The following SH3GL2 variants were observed in gnomAD, a reference collection of about 807,000 sequenced individuals.
SH3GL2 encodes SH3 domain containing GRB2 like 2, endophilin A1, also known as endophilin-A1.
Under a neutral mutation model 46.0 loss-of-function variants are expected in SH3GL2, and 24 were observed. The observed-to-expected ratio is 0.52, with a 90% CI of 0.38 to 0.73. SH3GL2 has a LOEUF of 0.73. Among genes scored for constraint, SH3GL2 ranks in the 30% least tolerant of loss-of-function variants. The pLI, the probability that SH3GL2 is intolerant of heterozygous loss-of-function variation, is 0.00. For synonymous variants in SH3GL2, 196 were observed against 147.1 expected (o/e 1.33, Z -2.40); for missense variants, 413 against 424.2 (o/e 0.97, Z 0.23).
At chr9:17,658,364 T>A (rs892529555) in intron 1 of SH3GL2, among the ~76,000 whole-genome samples, 2 of 152,224 alleles carry the variant, frequency 1.3e-5, no homozygotes, top group Non-Finnish European at 2.9e-5. Context: ...GTTTGATTTC[T>A]TCCAGGGACA....
At chr9:17,662,926 G>C (rs908130022) in intron 1 of SH3GL2, among the ~76,000 whole-genome samples, 15 of 152,130 alleles carry the variant, frequency 9.9e-5, no homozygotes, top group African/African-American at 3.6e-4. Context: ...GGCCAGGCTG[G>C]TCTCCAACTC....
chr9:17,747,178 G>C, intron 2 of SH3GL2, 44 bp downstream of exon 2: 3 of 1,212,382 alleles, frequency 2.5e-6, no homozygotes, highest in Non-Finnish European at 3.6e-6. Context: ...ACATAAACAT[G>C]TCTACCATAA....
Position 17,791,341 on chromosome 9 carries a change from T to C in SH3GL2, c.728+7T>C, listed in dbSNP as rs1447304752. 6.5e-7 allele frequency: 1 copy of C among 1,550,208 alleles called. No homozygotes were observed. Among genetic ancestry groups the C allele is most frequent in the Non-Finnish European group, 8.9e-7 (1 of 1,121,766 alleles). On this transcript the variant is annotated splice_region_variant and intron_variant, in intron 7 of 8. Coordinates refer to ENST00000380607, the MANE Select transcript of SH3GL2 (RefSeq NM_003026.5). ...CGGTCAGACTGGAAGAAAGGTATTC[T>C]ACAGTTCCCTGCATTTCACATTTGC... is the stretch of plus-strand genomic sequence containing the variant.
intron 1 of SH3GL2, 96 bp downstream of exon 1, chr9:17,579,383 G>C (rs1818231386): frequency 2.9e-6 from 2 of 699,410 alleles, no homozygotes; most frequent in South Asian, 4.9e-5. Flanking sequence ...TGGGGAGTTC[G>C]GCACCGAGCC....
intron 1 of SH3GL2, among the ~76,000 whole-genome samples, chr9:17,597,977 C>G (rs141889875): frequency 1.3e-5 from 2 of 152,126 alleles, no homozygotes; most frequent in African/African-American, 2.4e-5. Context: ...TCCCTGCCCC[C>G]GTGGAACTGG....
intron 1 of SH3GL2, among the ~76,000 whole-genome samples, chr9:17,619,889 C>T (rs1819098170): frequency 6.6e-6 from 1 of 151,880 alleles, no homozygotes; most frequent in Non-Finnish European, 1.5e-5. Context: ...TGAAATGTAC[C>T]AGTTTATTCT....
intron 1 of SH3GL2, among the ~76,000 whole-genome samples, chr9:17,732,197 T>C (rs775798347): frequency 1.6e-4 from 24 of 151,862 alleles, no homozygotes; most frequent in Admixed American, 1.2e-3. Flanking sequence ...TTTAAGGTAG[T>C]ACTGTTGGAG....
chr9:17,629,442 G>A (rs908310262), intron 1 of SH3GL2, among the ~76,000 whole-genome samples: 2 of 152,050 alleles, frequency 1.3e-5, no homozygotes, highest in African/African-American at 2.4e-5. Context: ...TAAGGTGATG[G>A]AAATAATTTT....
chr9:17,666,576 G>GTATATA (rs566409032), intron 1 of SH3GL2, among the ~76,000 whole-genome samples: 13 of 100,510 alleles, frequency 1.3e-4, no homozygotes, highest in Non-Finnish European at 2.8e-4. Context: ...GTGTGTGTGT[G>GTATATA]TGTATATACA....
At chr9:17,762,754 T>C (rs1823214426) in intron 3 of SH3GL2, among the ~76,000 whole-genome samples, 1 of 152,122 alleles carries the variant, frequency 6.6e-6, no homozygotes, top group Admixed American at 6.5e-5. Context: ...AAAAATCAGG[T>C]TTCTTATTTT....
chr9:17,780,724 T>G (rs1823783432), intron 3 of SH3GL2, among the ~76,000 whole-genome samples: 1 of 79,466 alleles, frequency 1.3e-5, no homozygotes, highest in East Asian at 3.5e-4. Context: ...AGTGAGAATA[T>G]GCGGTGTTTG....
At chr9:17,598,875 C>T (rs1014977646) in intron 1 of SH3GL2, among the ~76,000 whole-genome samples, 9 of 152,050 alleles carry the variant, frequency 5.9e-5, no homozygotes, top group Non-Finnish European at 1.0e-4. Context: ...AAATAATACA[C>T]GGTATTAATG....
intron 2 of SH3GL2, among the ~76,000 whole-genome samples, chr9:17,751,040 C>G (rs762394897): frequency 6.6e-6 from 1 of 152,124 alleles, no homozygotes; most frequent in Non-Finnish European, 1.5e-5. Context: ...GTGGTTAATT[C>G]AGAATTCTAA....
intron 3 of SH3GL2, among the ~76,000 whole-genome samples, chr9:17,785,236 C>T (rs1256935307): frequency 2.0e-5 from 3 of 152,156 alleles, no homozygotes; most frequent in African/African-American, 7.2e-5. Flanking sequence ...TGGGACTCTC[C>T]TCAATCCCCC....
chr9:17,744,782 G>T (rs1822632155), intron 1 of SH3GL2, among the ~76,000 whole-genome samples: 1 of 152,196 alleles, frequency 6.6e-6, no homozygotes, highest in Non-Finnish European at 1.5e-5. Context: ...GTCACAGTTG[G>T]TACAGGCTTC....
At chr9:17,758,444 C>T (rs2131147163) in intron 2 of SH3GL2, among the ~76,000 whole-genome samples, 2 of 151,462 alleles carry the variant, frequency 1.3e-5, no homozygotes, top group Middle Eastern at 6.8e-3. Context: ...TGCCTCTAGT[C>T]CCAGCTTCTT....
chr9:17,735,125 C>A (rs1184192573), intron 1 of SH3GL2, among the ~76,000 whole-genome samples: 1 of 152,070 alleles, frequency 6.6e-6, no homozygotes, highest in African/African-American at 2.4e-5. Context: ...TCTTTTCTTT[C>A]TAAATATTCC....
chr9:17,579,231 G>A lies in SH3GL2; in HGVS notation c.-12G>A, dbSNP rs749145222. 2.1e-5 allele frequency: 33 copies of A among 1,547,416 alleles called. No individual in the cohort carries two copies. The South Asian group carries it at 3.8e-4, about 18-fold the overall frequency. ...CTCCCGCACAGCAGCCGCCAGCGCGGCCTCCTGCACCATGTCGGTGGCCGG... is the reference window on the plus strand; with the variant it reads ...CTCCCGCACAGCAGCCGCCAGCGCGACCTCCTGCACCATGTCGGTGGCCGG... On this transcript the variant is annotated 5_prime_UTR_variant, in exon 1 of 9. Transcript: ENST00000380607.
chr9:17,769,938 A>C (rs1823423361), intron 3 of SH3GL2, among the ~76,000 whole-genome samples: 1 of 151,856 alleles, frequency 6.6e-6, no homozygotes, highest in Non-Finnish European at 1.5e-5. Context: ...TGTCTCTTTT[A>C]CTCCTTTATA....
Sources: allele counts gnomAD v4.1 joint callset (sites outside exome capture counted in the v4.1 genomes callset), GRCh38; gene constraint gnomAD v4.1.1; transcripts MANE v1.5; gene names NCBI Gene and HGNC (gene_info 2026-07-23, HGNC 2026-07-21).